Variants in ZMYM1 observed in about 807,000 individuals in gnomAD.
ZMYM1 encodes the protein zinc finger MYM-type containing 1, also known as zinc finger MYM-type protein 1.
In ZMYM1, 39 loss-of-function variants were observed where a neutral mutation model predicts 60.0. The ratio of observed to expected loss-of-function variants is 0.65; its 90% CI spans 0.50 to 0.85. ZMYM1 has a LOEUF of 0.85. ZMYM1 is among the 40% of genes least tolerant of loss of function. ZMYM1 has a pLI of 0.00. For missense variants in ZMYM1, 1,171 were observed against 1,309.5 expected (o/e 0.89, Z 1.63); for synonymous variants, 413 against 454.0 (o/e 0.91, Z 1.15).
In ZMYM1 at chr1:35,104,668, G is replaced by A. The variant is rs187336542; in HGVS notation, c.706G>A (p.Gly236Ser). The A allele has an allele frequency of 4.9e-5, 79 of 1,614,148 alleles. No individual in the cohort carries two copies. The highest frequency in any genetic ancestry group is 6.3e-5 in the Non-Finnish European group (74 of 1,180,024). Reference protein sequence around the residue: ...NFIMNCCENCGTYCYTSSSLS... With the variant: ...NFIMNCCENCSTYCYTSSSLS... ...CATCATGAACTGCTGTGAGAACTGT[G>A]GCACTTACTGTTACACCAGCTCTAG... Residue 236 changes from glycine (G) to serine (S), a missense_variant, in exon 6 of 10, where the codon GGC (glycine) becomes AGC (serine). By Grantham distance (56) the Gly-to-Ser change is moderately conservative. Transcript: ENST00000359858.
In ZMYM1 at chr1:35,114,533, A is replaced by G. The variant is rs1182681024; in HGVS notation, c.2703A>G (p.Ser901=). Residue 901 remains serine (S), a synonymous_variant, in exon 10 of 10, where the codon TCA becomes TCG. Coordinates refer to ENST00000359858, the MANE Select transcript of ZMYM1 (RefSeq NM_024772.5). The part of the protein sequence containing the change: ...SKIEAILECL[S]SERNDVYFKT... ...TAGAAGCAATTTTGGAATGTTTATC[A>G]TCTGAAAGAAATGACGTATACTTTA... 6 of 1,610,222 alleles carry G rather than the reference A, an allele frequency of 3.7e-6. No homozygotes were observed. Among genetic ancestry groups the G allele is most frequent in the Non-Finnish European group, 3.4e-6 (4 of 1,178,348 alleles).
At chr1:35,100,517 G>A (rs116502476) in intron 4 of ZMYM1, among the ~76,000 whole-genome samples, 1,616 of 151,874 alleles carry the variant, frequency 0.011, 32 homozygotes, top group African/African-American at 0.037. Context: ...AGCTACACCA[G>A]TGACTGAGGC....
chr1:35,104,210 C>G, intron 4 of ZMYM1, 85 bp from the exon 5 acceptor site: 1 of 1,229,826 alleles, frequency 8.1e-7, no homozygotes, highest in Non-Finnish European at 1.1e-6. Flanking sequence ...TGTTCTTACT[C>G]TAATTTGAGA....
intron 1 of ZMYM1, among the ~76,000 whole-genome samples, chr1:35,060,659 C>A (rs1641857070): frequency 6.6e-6 from 1 of 152,146 alleles, no homozygotes; most frequent in African/African-American, 2.4e-5. Flanking sequence ...TCCCACATTT[C>A]TTTTCTCCTG....
At chr1:35,090,900 C>T (rs748149286) in intron 1 of ZMYM1, among the ~76,000 whole-genome samples, 53 of 151,730 alleles carry the variant, frequency 3.5e-4, no homozygotes, top group Non-Finnish European at 5.0e-4. Context: ...GAGCTGAGAT[C>T]GCGCCATTGC....
intron 4 of ZMYM1, among the ~76,000 whole-genome samples, chr1:35,103,835 C>G (rs535373205): frequency 6.6e-6 from 1 of 152,320 alleles, no homozygotes; most frequent in South Asian, 2.1e-4. Context: ...TTAAGATTCT[C>G]TGTCCTATAG....
At chr1:35,098,294 G>A (rs1285217673) in intron 4 of ZMYM1, among the ~76,000 whole-genome samples, 2 of 152,098 alleles carry the variant, frequency 1.3e-5, no homozygotes, top group East Asian at 1.9e-4. Context: ...AAACCTACAT[G>A]TCTCTATGTA....
chr1:35,104,116 G>A (rs1643797449), intron 4 of ZMYM1, 179 bp from the exon 5 acceptor site: 1 of 561,056 alleles, frequency 1.8e-6, no homozygotes, highest in South Asian at 2.9e-5. Flanking sequence ...AATCTGTAAT[G>A]TATAGATGAG....
At position 35,095,800 on chromosome 1, in the gene ZMYM1, A is replaced by G. The variant is rs370390577; in HGVS notation, c.97-19A>G. On this transcript the variant is annotated intron_variant, in intron 2 of 9. Coordinates refer to ENST00000359858, the MANE Select transcript of ZMYM1 (RefSeq NM_024772.5). The stretch of plus-strand genomic sequence containing the variant: ...ATTGTATTCACTATTTTTAATTATT[A>G]TTTTTTTTTTCTTTTTAGGAGTATT... 7.0e-7 allele frequency: 1 copy of G among 1,422,436 alleles called. No individual in the cohort carries two copies. Among genetic ancestry groups the G allele is most frequent in the Non-Finnish European group, 9.6e-7 (1 of 1,042,734 alleles). 88.1% of individuals were successfully genotyped at this position (1,422,436 alleles called of 1,614,324 possible). A position where few individuals can be genotyped will look rare whatever the true frequency, so the allele number is the denominator to read the frequency against.
At position 35,069,934 on chromosome 1, in the gene ZMYM1, C is replaced by T. The variant is rs569247112; in HGVS notation, c.-300-9060C>T. On this transcript the variant is annotated intron_variant, in intron 1 of 10. Transcript: ENST00000417119. ...TTATTTCTGGGCTTTCTGTTCTGTT[C>T]TATTGGTCTATGTGTGTGTGTTTGT... 5.9e-5 allele frequency among the ~76,000 whole-genome samples: 9 copies of T among 152,204 alleles called. No homozygotes were observed. The East Asian group carries it at 1.5e-3, about 26-fold the overall frequency.
intron 1 of ZMYM1, among the ~76,000 whole-genome samples, chr1:35,092,860 C>T (rs1291376075): frequency 6.6e-6 from 1 of 151,718 alleles, no homozygotes; most frequent in Non-Finnish European, 1.5e-5. Flanking sequence ...CCTGATCTCA[C>T]GTGCTCCACC....
At chr1:35,092,624 TC>T (rs1643093259) in intron 1 of ZMYM1, among the ~76,000 whole-genome samples, 3 of 150,258 alleles carry the variant, frequency 2.0e-5, no homozygotes, top group Admixed American at 1.3e-4. Flanking sequence ...TTCTTTCCTT[TC>T]TTTTCCTTTT....
intron 6 of ZMYM1, among the ~76,000 whole-genome samples, chr1:35,105,456 C>T (rs555488403): frequency 4.8e-5 from 7 of 146,128 alleles, no homozygotes; most frequent in African/African-American, 1.5e-4. Flanking sequence ...TTTTTTGAGA[C>T]GGAGTCTCGC....
chr1:35,067,269 G>A (rs1416383608), intron 1 of ZMYM1, among the ~76,000 whole-genome samples: 1 of 152,172 alleles, frequency 6.6e-6, no homozygotes, highest in African/African-American at 2.4e-5. Context: ...ATGAGCCACC[G>A]TGCTCAGCCT....
intron 4 of ZMYM1, 188 bp from the exon 5 acceptor site, chr1:35,104,107 A>G (rs1643796803): frequency 4.1e-6 from 2 of 491,150 alleles, no homozygotes; most frequent in South Asian, 4.4e-5. Flanking sequence ...GTGCTTTATA[A>G]TCTGTAATGT....
At chr1:35,080,348 G>T (rs1642317188) in intron 1 of ZMYM1, among the ~76,000 whole-genome samples, 3 of 133,774 alleles carry the variant, frequency 2.2e-5, no homozygotes, top group South Asian at 4.6e-4. Flanking sequence ...ACTGGGTCTC[G>T]CTCTTTGGCC....
Position 35,064,836 on chromosome 1 carries a change from C to A in ZMYM1, c.-301+4911C>A, listed in dbSNP as rs370653872. 4.6e-5 allele frequency among the ~76,000 whole-genome samples: 7 copies of A among 151,572 alleles called. No homozygotes were observed. In the East Asian group the frequency reaches 1.4e-3, roughly 29 times the overall value. ...CCGAGTAGCTGGGACTACAGGCGCC[C>A]GCCACCACACCCGGCTAATTTTTTG... On this transcript the variant is annotated intron_variant, in intron 1 of 10. Transcript: ENST00000417119.
rs752397942 is a variant in ZMYM1 at position 35,113,610 on chromosome 1, G to A, written c.1780G>A (p.Ala594Thr). The change falls in exon 10 of 10, where the codon GCA (alanine) becomes ACA (threonine). Residue 594 changes from alanine to threonine, a missense_variant. Coordinates refer to ENST00000359858, the MANE Select transcript of ZMYM1 (RefSeq NM_024772.5). Reference sequence around the variant, plus strand: ...TTTTTTAGAATTGTTAGAAATGAGAGCAAAAGATAAAGGAGAAGAAACATT... The same window carrying A: ...TTTTTTAGAATTGTTAGAAATGAGAACAAAAGATAAAGGAGAAGAAACATT... ...GNFLELLEMR[A>T]KDKGEETFRL... 6.2e-7 allele frequency: 1 copy of A among 1,613,674 alleles called. No individual in the cohort carries two copies. The highest frequency in any genetic ancestry group is 1.3e-5 in the African/African-American group (1 of 75,026).
chr1:35,061,338 G>A (rs918257501), intron 1 of ZMYM1, among the ~76,000 whole-genome samples: 1 of 152,210 alleles, frequency 6.6e-6, no homozygotes, highest in Admixed American at 6.5e-5. Flanking sequence ...ACATTTAAAT[G>A]TGATGGGGAG....
Sources: allele counts gnomAD v4.1 joint callset (sites outside exome capture counted in the v4.1 genomes callset), GRCh38; gene constraint gnomAD v4.1.1; transcripts MANE v1.5; gene names NCBI Gene and HGNC (gene_info 2026-07-23, HGNC 2026-07-21).